Variants in TNFSF4 observed in about 807,000 individuals in gnomAD.
TNFSF4 encodes tumor necrosis factor ligand superfamily member 4.
Under a neutral mutation model 7.3 loss-of-function variants are expected in TNFSF4, and 4 were observed. The observed-to-expected ratio is 0.55, with a 90% CI of 0.27 to 1.25. The LOEUF is 1.25. Ranked by LOEUF, TNFSF4 falls within the 50% of genes most tolerant of loss-of-function variation. The pLI, the probability that TNFSF4 is intolerant of heterozygous loss-of-function variation, is 0.12. For synonymous variants in TNFSF4, 76 were observed against 83.7 expected (o/e 0.91, Z 0.50); for missense variants, 181 against 208.8 (o/e 0.87, Z 0.82).
At chr1:173,282,737 G>A in the TNFSF4 span, among the ~76,000 whole-genome samples, 26 of 152,142 alleles carry the variant, frequency 1.7e-4, no homozygotes, top group African/African-American at 3.4e-4. Flanking sequence ...GATTACAGGC[G>A]TGAGCTACCA....
the TNFSF4 span, among the ~76,000 whole-genome samples, chr1:173,259,019 C>T: frequency 6.6e-6 from 1 of 152,098 alleles, no homozygotes; most frequent in Non-Finnish European, 1.5e-5. Context: ...AGCAGGTCCC[C>T]GATCCTATGC....
chr1:173,436,840 G>C, the TNFSF4 span, among the ~76,000 whole-genome samples: 1 of 152,226 alleles, frequency 6.6e-6, no homozygotes, highest in African/African-American at 2.4e-5. Context: ...AGCGCTGATG[G>C]CATCTGGTAC....
At chr1:173,321,964 G>A in the TNFSF4 span, among the ~76,000 whole-genome samples, 5 of 152,170 alleles carry the variant, frequency 3.3e-5, no homozygotes, top group African/African-American at 1.2e-4. Context: ...CCATTACTGA[G>A]TATATACCCA....
At chr1:173,191,340 TA>T (rs1649467739) in intron 1 of TNFSF4, among the ~76,000 whole-genome samples, 1 of 152,170 alleles carries the variant, frequency 6.6e-6, no homozygotes, top group African/African-American at 2.4e-5. Context: ...GAAGGTCACA[TA>T]GGGGTAGAAG....
chr1:173,231,896 T>C, the TNFSF4 span, among the ~76,000 whole-genome samples: 2 of 151,716 alleles, frequency 1.3e-5, no homozygotes. Context: ...AAGTACTTTA[T>C]AGTGTGATGC....
chr1:173,289,188 T>C, the TNFSF4 span, among the ~76,000 whole-genome samples: 1 of 152,186 alleles, frequency 6.6e-6, no homozygotes, highest in South Asian at 2.1e-4. Flanking sequence ...AAATATGCAA[T>C]GTGGTCCCCT....
chr1:173,330,494 G>A, the TNFSF4 span, among the ~76,000 whole-genome samples: 3 of 152,096 alleles, frequency 2.0e-5, no homozygotes, highest in Non-Finnish European at 2.9e-5. Context: ...TTTGCAAAAT[G>A]TCCAGCATCT....
chr1:173,179,435 A>G (rs1370102303), downstream of TNFSF4, among the ~76,000 whole-genome samples: 1 of 152,172 alleles, frequency 6.6e-6, no homozygotes, highest in African/African-American at 2.4e-5. Context: ...TCTGGGGACT[A>G]TACTTCTAGC....
At chr1:173,324,382 A>T in the TNFSF4 span, among the ~76,000 whole-genome samples, 3 of 152,222 alleles carry the variant, frequency 2.0e-5, no homozygotes, top group Non-Finnish European at 2.9e-5. Flanking sequence ...ATGGAAAGGA[A>T]CAACCAGTAC....
the TNFSF4 span, among the ~76,000 whole-genome samples, chr1:173,439,452 A>G: frequency 1.3e-5 from 2 of 152,316 alleles, no homozygotes; most frequent in African/African-American, 4.8e-5. Context: ...ATACCACACT[A>G]GCAGCCCAGC....
At chr1:173,211,191 C>T (rs1650364546), upstream of TNFSF4, among the ~76,000 whole-genome samples, 1 of 152,218 alleles carries the variant, frequency 6.6e-6, no homozygotes, top group African/African-American at 2.4e-5. Context: ...TGAGCATACA[C>T]AGGGAGTCAT....
chr1:173,239,590 A>T, the TNFSF4 span, among the ~76,000 whole-genome samples: 48 of 152,296 alleles, frequency 3.2e-4, no homozygotes, highest in African/African-American at 1.1e-3. Context: ...CTAACAGAAG[A>T]GATGTCTGTG....
the TNFSF4 span, among the ~76,000 whole-genome samples, chr1:173,276,665 A>T: frequency 6.6e-6 from 1 of 152,166 alleles, no homozygotes; most frequent in Non-Finnish European, 1.5e-5. Flanking sequence ...TTTCTATTTG[A>T]CATTTCAAAT....
At chr1:173,270,576 A>T in the TNFSF4 span, among the ~76,000 whole-genome samples, 1 of 152,126 alleles carries the variant, frequency 6.6e-6, no homozygotes, top group South Asian at 2.1e-4. Flanking sequence ...TGGGGAGCAT[A>T]ATACTTAAGA....
At chr1:173,415,080 T>C in the TNFSF4 span, among the ~76,000 whole-genome samples, 1 of 152,254 alleles carries the variant, frequency 6.6e-6, no homozygotes, top group Non-Finnish European at 1.5e-5. Flanking sequence ...TGATTGGCTG[T>C]AAATCCCCCC....
At chr1:173,427,131 A>C in the TNFSF4 span, among the ~76,000 whole-genome samples, 4 of 152,238 alleles carry the variant, frequency 2.6e-5, no homozygotes, top group Non-Finnish European at 5.9e-5. Flanking sequence ...CAGCACCAAC[A>C]AAAAATCAAT....
chr1:173,236,590 T>G, the TNFSF4 span, among the ~76,000 whole-genome samples: 1 of 152,122 alleles, frequency 6.6e-6, no homozygotes, highest in Admixed American at 6.5e-5. Flanking sequence ...AATCTAGGTC[T>G]CCAACAGCAG....
the TNFSF4 span, chr1:173,442,235 A>G: frequency 6.6e-6 from 1 of 152,270 alleles, no homozygotes; most frequent in Non-Finnish European, 1.5e-5. Context: ...AATGCACAGT[A>G]AGTCCACGTT....
chr1:173,352,360 C>T, the TNFSF4 span, among the ~76,000 whole-genome samples: 21 of 152,144 alleles, frequency 1.4e-4, no homozygotes, highest in Non-Finnish European at 2.6e-4. Context: ...GGAACCAGCC[C>T]CAATATTTCA....
Sources: allele counts gnomAD v4.1 joint callset (sites outside exome capture counted in the v4.1 genomes callset), GRCh38; gene constraint gnomAD v4.1.1; transcripts MANE v1.5; gene names NCBI Gene and HGNC (gene_info 2026-07-23, HGNC 2026-07-21).